The following BABAM2 variants were observed in gnomAD, a reference collection of about 807,000 sequenced individuals.
BABAM2 encodes BRISC and BRCA1 A complex member 2, also known as BRISC and BRCA1-A complex member 2.
BABAM2 carries 31 observed loss-of-function variants against 54.7 expected under a neutral mutation model. The ratio of observed to expected loss-of-function variants is 0.57; its 90% CI spans 0.43 to 0.77. The LOEUF is 0.77. Among genes scored for constraint, BABAM2 ranks in the 30% least tolerant of loss-of-function variants. BABAM2 has a pLI of 0.00. For missense variants in BABAM2, 364 were observed against 455.8 expected (o/e 0.80, Z 1.83); for synonymous variants, 167 against 162.9 (o/e 1.03, Z -0.19).
intron 3 of BABAM2, among the ~76,000 whole-genome samples, chr2:27,974,401 A>G (rs931851155): frequency 3.3e-5 from 5 of 152,154 alleles, no homozygotes; most frequent in African/African-American, 1.2e-4. Flanking sequence ...GTAAAATAAT[A>G]TATCATAATC....
At chr2:27,932,490 T>C (rs1668167866) in intron 3 of BABAM2, among the ~76,000 whole-genome samples, 1 of 152,214 alleles carries the variant, frequency 6.6e-6, no homozygotes, top group Non-Finnish European at 1.5e-5. Context: ...CTGTTTAAGA[T>C]AGACAATAAA....
chr2:27,926,043 TA>T (rs1437292505), intron 2 of BABAM2, among the ~76,000 whole-genome samples: 1 of 151,680 alleles, frequency 6.6e-6, no homozygotes, highest in Non-Finnish European at 1.5e-5. Flanking sequence ...CTTTGTTGAC[TA>T]AAATGGTCTC....
chr2:28,026,310 T>C (rs1175381133), intron 5 of BABAM2, among the ~76,000 whole-genome samples: 1 of 152,096 alleles, frequency 6.6e-6, no homozygotes, highest in Non-Finnish European at 1.5e-5. Context: ...CTGTTCACAA[T>C]AGCAAAGACT....
intron 7 of BABAM2, among the ~76,000 whole-genome samples, chr2:28,205,098 C>T (rs912975249): frequency 1.3e-4 from 19 of 151,828 alleles, no homozygotes; most frequent in Non-Finnish European, 2.6e-4. Context: ...CATTCATGCA[C>T]GTAGCTGACT....
intron 7 of BABAM2, among the ~76,000 whole-genome samples, chr2:28,217,376 G>A (rs1018803071): frequency 8.5e-5 from 13 of 152,198 alleles, no homozygotes; most frequent in Admixed American, 6.5e-5. Flanking sequence ...ATACTCAAAA[G>A]TACTGTATGG....
At chr2:28,016,237 A>C (rs1197854406) in intron 4 of BABAM2, 4 of 912,400 alleles carry the variant, frequency 4.4e-6, no homozygotes, top group Non-Finnish European at 7.0e-6. Context: ...TCTCACTTGC[A>C]CTTAACAATT....
chr2:28,226,201 G>C (rs1179465399), intron 7 of BABAM2, among the ~76,000 whole-genome samples: 1 of 152,170 alleles, frequency 6.6e-6, no homozygotes. Context: ...GGAGAGCTAA[G>C]TAGCTGCAAT....
intron 10 of BABAM2, among the ~76,000 whole-genome samples, chr2:28,293,129 T>C (rs573278928): frequency 2.8e-4 from 43 of 152,362 alleles, no homozygotes; most frequent in South Asian, 2.5e-3. Flanking sequence ...TTCCTTGTCC[T>C]CATTTTGCCA....
intron 7 of BABAM2, among the ~76,000 whole-genome samples, chr2:28,187,279 A>G (rs905857248): frequency 1.3e-5 from 2 of 152,152 alleles, no homozygotes; most frequent in Non-Finnish European, 2.9e-5. Context: ...CTAGAGACCC[A>G]TAGAGAAGGG....
chr2:28,231,104 T>G (rs894450809), intron 7 of BABAM2, among the ~76,000 whole-genome samples: 2 of 152,208 alleles, frequency 1.3e-5, no homozygotes, highest in Admixed American at 1.3e-4. Context: ...ATAAGATACT[T>G]AGACTCTTAG....
intron 6 of BABAM2, among the ~76,000 whole-genome samples, chr2:28,125,000 T>G (rs1485487074): frequency 2.6e-5 from 4 of 152,060 alleles, no homozygotes; most frequent in Non-Finnish European, 5.9e-5. Flanking sequence ...AGAAAAAGAT[T>G]AAGAAACTCA....
At chr2:27,920,065 T>G (rs111435992) in intron 2 of BABAM2, among the ~76,000 whole-genome samples, 661 of 152,344 alleles carry the variant, frequency 4.3e-3, no homozygotes, top group Middle Eastern at 0.014. Flanking sequence ...CCATAGTTTT[T>G]AGGCTTTAGA....
chr2:28,157,497 A>G (rs1194922845), intron 7 of BABAM2, among the ~76,000 whole-genome samples: 1 of 152,252 alleles, frequency 6.6e-6, no homozygotes, highest in African/African-American at 2.4e-5. Context: ...TAGCAGCAAA[A>G]ATAGACAGCT....
intron 6 of BABAM2, among the ~76,000 whole-genome samples, chr2:28,112,837 C>A (rs532696307): frequency 1.3e-5 from 2 of 152,152 alleles, no homozygotes; most frequent in African/African-American, 2.4e-5. Context: ...TAAAAGTGTT[C>A]GTATTTCTCC....
intron 5 of BABAM2, among the ~76,000 whole-genome samples, chr2:28,031,048 A>G (rs772781833): frequency 6.6e-6 from 1 of 152,226 alleles, no homozygotes. Context: ...TGCAAACATT[A>G]AAATAAAAAT....
At chr2:28,283,154 A>C (rs1460074267) in intron 10 of BABAM2, among the ~76,000 whole-genome samples, 2 of 152,172 alleles carry the variant, frequency 1.3e-5, no homozygotes, top group Non-Finnish European at 2.9e-5. Context: ...AGGGAGATGT[A>C]CTGTTAAATA....
chr2:28,287,437 G>T (rs1686917976), intron 10 of BABAM2, among the ~76,000 whole-genome samples: 1 of 152,134 alleles, frequency 6.6e-6, no homozygotes, highest in Non-Finnish European at 1.5e-5. Context: ...ATGTTTCTTT[G>T]TACATGTCTA....
chr2:28,039,809 A>G (rs1296579842), intron 5 of BABAM2, among the ~76,000 whole-genome samples: 1 of 152,248 alleles, frequency 6.6e-6, no homozygotes, highest in Non-Finnish European at 1.5e-5. Flanking sequence ...CCAACGTACT[A>G]TAACTTGAAA....
intron 4 of BABAM2, among the ~76,000 whole-genome samples, chr2:28,020,371 A>G (rs887633488): frequency 1.3e-5 from 2 of 152,228 alleles, no homozygotes; most frequent in African/African-American, 4.8e-5. Context: ...AAGTATGTGC[A>G]TGTCTTATAT....
Sources: gnomAD v4.1 joint callset for allele counts (sites outside exome capture counted in the v4.1 genomes callset) on GRCh38, gnomAD v4.1.1 for gene constraint, MANE v1.5 for transcripts, NCBI Gene and HGNC (gene_info 2026-07-23, HGNC 2026-07-21) for gene names.